Variants in YEATS2 observed in about 807,000 individuals in gnomAD.
The protein encoded by YEATS2 is YEATS domain containing 2.
In YEATS2, 77 loss-of-function variants were observed where a neutral mutation model predicts 163.2. That is an observed-to-expected ratio of 0.47 (90% confidence interval 0.39 to 0.57). YEATS2 has a LOEUF of 0.57. YEATS2 is among the 20% of genes least tolerant of loss of function. The pLI is 0.00. For synonymous variants in YEATS2, 631 were observed against 645.1 expected (o/e 0.98, Z 0.33); for missense variants, 1,549 against 1,729.8 (o/e 0.90, Z 1.85).
chr3:183,791,073 G>A (rs898817106), intron 21 of YEATS2, 93 bp downstream of exon 21: 21 of 1,494,668 alleles, frequency 1.4e-5, no homozygotes, highest in Admixed American at 7.8e-5. Flanking sequence ...TCACTCTGTC[G>A]CCCAAGCTAG....
At chr3:183,738,027 G>A (rs999403242) in intron 8 of YEATS2, among the ~76,000 whole-genome samples, 6 of 151,618 alleles carry the variant, frequency 4.0e-5, no homozygotes, top group African/African-American at 1.2e-4. Flanking sequence ...TGATGATCCT[G>A]TGATCAGTGG....
At chr3:183,768,831 G>A (rs998450183) in intron 15 of YEATS2, among the ~76,000 whole-genome samples, 28 of 152,282 alleles carry the variant, frequency 1.8e-4, no homozygotes, top group African/African-American at 6.0e-4. Context: ...AATTAGCCAG[G>A]TGTGGTGGCG....
At position 183,718,711 on chromosome 3, in the gene YEATS2, T is replaced by G. The variant is rs1030423797; in HGVS notation, c.291+119T>G. 5.5e-6 allele frequency: 5 copies of G among 902,226 alleles called. No homozygotes were observed. In the Admixed American group the frequency reaches 1.2e-4, roughly 22 times the overall value. 55.9% of individuals were successfully genotyped at this position (902,226 alleles called of 1,614,324 possible). On this transcript the variant is annotated intron_variant, in intron 4 of 30. Transcript: ENST00000305135. ...TTTCTTTCTGTTTGTTTTTTGGTTT[T>G]TTTTTGAGACGGAGTCTCGCTGTGT...
Position 183,754,677 on chromosome 3 carries a change from T to G in YEATS2, c.1390+312T>G, listed in dbSNP as rs552848653. Among the ~76,000 whole-genome samples the G allele has an allele frequency of 2.0e-5, 3 of 152,316 alleles. No homozygotes were observed. In the East Asian group the frequency reaches 5.8e-4, roughly 29 times the overall value. ...AAGGTGTAGGAATCGTGTTTGGGGA[T>G]TATATACATGGAAACCACAGTGACT... On this transcript the variant is annotated intron_variant, in intron 11 of 30. Transcript: ENST00000305135.
chr3:183,709,943 G>A (rs898538773), intron 1 of YEATS2, among the ~76,000 whole-genome samples: 3 of 152,116 alleles, frequency 2.0e-5, no homozygotes, highest in African/African-American at 7.2e-5. Flanking sequence ...GCCTCCCAAA[G>A]TGCTGGGATT....
chr3:183,812,564 G>A lies in YEATS2; in HGVS notation c.*1981G>A, dbSNP rs950823928. On this transcript the variant is annotated 3_prime_UTR_variant, in exon 31 of 31. Transcript: ENST00000305135. ...CCACGTGTGTTAATGTTTCAAACGT[G>A]TATCATAATGTGTATAATTGTGTAA... The A allele has an allele frequency of 1.3e-5, 2 of 152,618 alleles. No homozygotes were observed. Among genetic ancestry groups the A allele is most frequent in the African/African-American group, 2.4e-5 (1 of 41,438 alleles). 9.5% of individuals were successfully genotyped at this position (152,618 alleles called of 1,614,324 possible).
intron 5 of YEATS2, among the ~76,000 whole-genome samples, chr3:183,723,625 T>A (rs1446862013): frequency 2.6e-5 from 4 of 152,096 alleles, no homozygotes; most frequent in African/African-American, 9.7e-5. Context: ...TTAAAAAGAA[T>A]TTAGGAGGCT....
chr3:183,803,461 T>A lies in YEATS2; in HGVS notation c.3582+126T>A, dbSNP rs373047794. On this transcript the variant is annotated intron_variant, in intron 26 of 30. Coordinates refer to ENST00000305135, the MANE Select transcript of YEATS2 (RefSeq NM_018023.5). ...GAATATTTTCCTCAGTTAAAAAAAA[T>A]CTCATTTTTCAAAGACCTGTATCCA... 24 of 999,248 alleles carry A rather than the reference T, an allele frequency of 2.4e-5. No individual in the cohort carries two copies. In the Admixed American group the frequency reaches 3.8e-4, roughly 16 times the overall value. 61.9% of individuals were successfully genotyped at this position (999,248 alleles called of 1,614,324 possible).
At chr3:183,755,741 CTTTTTTTTTT>C (rs57050296) in intron 11 of YEATS2, among the ~76,000 whole-genome samples, 16 of 82,218 alleles carry the variant, frequency 1.9e-4, no homozygotes, top group East Asian at 6.6e-4. Context: ...TCCTTCCTTT[CTTTTTTTTTT>C]TTTTTTTTTT....
At position 183,713,419 on chromosome 3, in the gene YEATS2, TG is replaced by T. The variant is rs1577040340; in HGVS notation, c.-19-1722del. On this transcript the variant is annotated intron_variant, in intron 1 of 30. Coordinates refer to ENST00000305135, the MANE Select transcript of YEATS2 (RefSeq NM_018023.5). Reference sequence around the variant, plus strand: ...CTATACAGAAATTACAGAAATGAGCTGGGTGTGGTGGTGCATGCCTGTAATC... The same window carrying T: ...CTATACAGAAATTACAGAAATGAGCTGGTGTGGTGGTGCATGCCTGTAATC... Among the ~76,000 whole-genome samples the T allele has an allele frequency of 2.0e-5, 3 of 152,026 alleles. No individual in the cohort carries two copies. In the South Asian group the frequency reaches 6.2e-4, roughly 32 times the overall value.
rs947752188 is a variant in YEATS2 at position 183,718,612 on chromosome 3, A to G, written c.291+20A>G. On this transcript the variant is annotated intron_variant, in intron 4 of 30. Coordinates refer to ENST00000305135, the MANE Select transcript of YEATS2 (RefSeq NM_018023.5). ...TCTGAGGTAAGCATTCCTCATACCC[A>G]GTCATTTTCCAGCCACTCATATTTG... 4.5e-6 allele frequency: 7 copies of G among 1,572,358 alleles called. No homozygotes were observed. In the African/African-American group the frequency reaches 9.5e-5, roughly 21 times the overall value.
rs577537056 is a variant in YEATS2, at chr3:183,787,289, A to G, written c.2913+988A>G. On this transcript the variant is annotated intron_variant, in intron 20 of 30. Coordinates refer to ENST00000305135, the MANE Select transcript of YEATS2 (RefSeq NM_018023.5). ...TTTTAACTTTGTGAGGAACTGCTAAACTGTTTTCCCAAGTGGCTACATTAT... is the reference window on the plus strand; with the variant it reads ...TTTTAACTTTGTGAGGAACTGCTAAGCTGTTTTCCCAAGTGGCTACATTAT... 2.0e-4 allele frequency among the ~76,000 whole-genome samples: 30 copies of G among 152,186 alleles called. No homozygotes were observed. In the South Asian group the frequency reaches 5.8e-3, roughly 29 times the overall value.
chr3:183,782,772 A>G (rs1324940042), intron 19 of YEATS2, among the ~76,000 whole-genome samples: 1 of 152,144 alleles, frequency 6.6e-6, no homozygotes, highest in Non-Finnish European at 1.5e-5. Flanking sequence ...GTTGATGGAC[A>G]TTTGGATTAT....
At chr3:183,706,678 C>T (rs981633911) in intron 1 of YEATS2, among the ~76,000 whole-genome samples, 19 of 152,226 alleles carry the variant, frequency 1.2e-4, no homozygotes, top group Admixed American at 2.0e-4. Context: ...TAGCCCGGCG[C>T]GGTGGCGCAT....
At chr3:183,722,283 T>A in intron 5 of YEATS2, 147 bp downstream of exon 5, 1 of 107,408 alleles carries the variant, frequency 9.3e-6, no homozygotes, top group Non-Finnish European at 1.3e-5. Context: ...CAAATCTTTT[T>A]TTTTTTTTTT....
At chr3:183,763,436 A>G (rs1176000226) in intron 15 of YEATS2, among the ~76,000 whole-genome samples, 1 of 152,218 alleles carries the variant, frequency 6.6e-6, no homozygotes, top group Non-Finnish European at 1.5e-5. Flanking sequence ...TGACTAAAAC[A>G]TCGTTAATGT....
intron 11 of YEATS2, 141 bp from the exon 12 acceptor site, chr3:183,756,387 G>A (rs909519223): frequency 1.2e-5 from 8 of 687,994 alleles, no homozygotes; most frequent in South Asian, 2.5e-5. Flanking sequence ...GCTCAGTACC[G>A]GGAGCACGCA....
At chr3:183,766,436 T>C (rs554732042) in intron 15 of YEATS2, among the ~76,000 whole-genome samples, 8 of 152,222 alleles carry the variant, frequency 5.3e-5, no homozygotes, top group Middle Eastern at 3.2e-3. Flanking sequence ...ATACAGACTC[T>C]TCCCCTTCAG....
chr3:183,781,950 C>G (rs900548029), intron 19 of YEATS2, among the ~76,000 whole-genome samples: 1 of 151,868 alleles, frequency 6.6e-6, no homozygotes, highest in Non-Finnish European at 1.5e-5. Context: ...CTGTTTCTTT[C>G]ACCATAGATT....
Sources: gnomAD v4.1 joint callset for allele counts (sites outside exome capture counted in the v4.1 genomes callset) on GRCh38, gnomAD v4.1.1 for gene constraint, MANE v1.5 for transcripts, NCBI Gene and HGNC (gene_info 2026-07-23, HGNC 2026-07-21) for gene names.